ZSCAN4: variants seen among roughly 807,000 people sequenced by gnomAD.
ZSCAN4 encodes the protein zinc finger and SCAN domain containing 4.
A neutral mutation model predicts 18.3 loss-of-function variants in ZSCAN4; 18 were observed. That is an observed-to-expected ratio of 0.98 (90% confidence interval 0.68 to 1.46). ZSCAN4 has a LOEUF of 1.46. Ranked by LOEUF, ZSCAN4 falls within the 40% of genes most tolerant of loss-of-function variation. The probability of loss-of-function intolerance (pLI) is 0.00; values close to 1 mark genes in which losing one functional copy is unlikely to be tolerated. For missense variants in ZSCAN4, 498 were observed against 511.4 expected, an observed-to-expected ratio of 0.97 and a Z score of 0.25; for synonymous variants, 193 against 180.3, an observed-to-expected ratio of 1.07 and a Z score of -0.57.
At chr19:57,676,124 T>A (rs370238427) in exon 3 of ZSCAN4, 29 of 1,578,296 alleles carry the variant, frequency 1.8e-5, no homozygotes, top group Admixed American at 9.3e-5. Context: ...AAGTAAAGTC[T>A]CTCTGAGAAT....
chr19:57,663,520 TAA>T, the ZSCAN4 span, among the ~76,000 whole-genome samples: 11,491 of 66,338 alleles, frequency 0.17, 906 homozygotes, highest in East Asian at 0.28. Flanking sequence ...ACCATGTCTC[TAA>T]AAAAAAAAAA....
chr19:57,664,568 AG>A (rs1258469243), upstream of ZSCAN4: 1 of 153,896 alleles, frequency 6.5e-6, no homozygotes, highest in Non-Finnish European at 1.5e-5. Context: ...GGCGGGAGCT[AG>A]TCACGGGGCA....
chr19:57,660,250 A>G, the ZSCAN4 span, among the ~76,000 whole-genome samples: 3 of 132,710 alleles, frequency 2.3e-5, no homozygotes, highest in Non-Finnish European at 5.4e-5. Context: ...AAGAGTTTAT[A>G]TAGCAGGAAG....
upstream of ZSCAN4, among the ~76,000 whole-genome samples, chr19:57,664,099 A>C (rs1983788502): frequency 6.6e-6 from 1 of 152,092 alleles, no homozygotes; most frequent in South Asian, 2.1e-4. Context: ...CCATTGCAGT[A>C]CAGCCTGGGC....
chr19:57,663,407 G>A, the ZSCAN4 span, among the ~76,000 whole-genome samples: 1 of 150,610 alleles, frequency 6.6e-6, no homozygotes, highest in African/African-American at 2.4e-5. Flanking sequence ...GCTATAGGCT[G>A]GGGGCGAGTG....
chr19:57,672,681 C>A (rs1218027718), intron 2 of ZSCAN4, among the ~76,000 whole-genome samples: 2 of 150,900 alleles, frequency 1.3e-5, no homozygotes, highest in Admixed American at 1.3e-4. Context: ...CAGTTCACTA[C>A]AACCCCCACC....
chr19:57,665,060 C>G (rs1243804800), upstream of ZSCAN4: 1 of 156,898 alleles, frequency 6.4e-6, no homozygotes, highest in Non-Finnish European at 1.4e-5. Flanking sequence ...TCTGGGAGCT[C>G]TCCCCACTAA....
upstream of ZSCAN4, among the ~76,000 whole-genome samples, chr19:57,667,876 GTTT>G (rs199974719): frequency 6.7e-6 from 1 of 148,610 alleles, no homozygotes; most frequent in Non-Finnish European, 1.5e-5. Flanking sequence ...ATTTTTCATT[GTTT>G]TTTTTTTGTT....
the ZSCAN4 span, among the ~76,000 whole-genome samples, chr19:57,655,356 C>T: frequency 6.6e-6 from 1 of 152,172 alleles, no homozygotes; most frequent in Non-Finnish European, 1.5e-5. Context: ...ACTGGGACTA[C>T]CCAACCCCAA....
chr19:57,653,782 A>C, the ZSCAN4 span, among the ~76,000 whole-genome samples: 1 of 152,224 alleles, frequency 6.6e-6, no homozygotes, highest in African/African-American at 2.4e-5. Flanking sequence ...CAACAGGGTC[A>C]TTGGGCAAAA....
In ZSCAN4 at chr19:57,672,862, A is replaced by G. The variant is rs1984063118; in HGVS notation, c.-106+2295A>G. ...AGCGATATGCCCACCTCTGCCTCCCAAAGCACTGGGATTACAGGGGTGAGC... is the reference window on the plus strand; with the variant it reads ...AGCGATATGCCCACCTCTGCCTCCCGAAGCACTGGGATTACAGGGGTGAGC... On this transcript the variant is annotated intron_variant, in intron 2 of 4. Coordinates refer to ENST00000318203, the Ensembl canonical transcript of ZSCAN4. Among the ~76,000 whole-genome samples the G allele has an allele frequency of 2.6e-5, 4 of 152,136 alleles. No homozygotes were observed. The South Asian group carries it at 8.3e-4, about 32-fold the overall frequency.
In ZSCAN4 at chr19:57,674,363, C is replaced by T. The variant is rs375855974; in HGVS notation, c.-105-1678C>T. Among the ~76,000 whole-genome samples, 7 of 152,290 alleles carry T rather than the reference C, an allele frequency of 4.6e-5. No individual in the cohort carries two copies. The East Asian group carries it at 1.2e-3, about 25-fold the overall frequency. ...TGGAGTCCCCAGCATCTGTTATTTC[C>T]ATCCTTATGTCCATGTGTACCCACT... On this transcript the variant is annotated intron_variant, in intron 2 of 4. Coordinates refer to ENST00000318203, the Ensembl canonical transcript of ZSCAN4.
At chr19:57,652,741 G>C in the ZSCAN4 span, among the ~76,000 whole-genome samples, 67 of 152,266 alleles carry the variant, frequency 4.4e-4, 1 homozygote, top group East Asian at 0.013. Context: ...TGTGGGAGAC[G>C]GCAGGGGCTG....
upstream of ZSCAN4, among the ~76,000 whole-genome samples, chr19:57,667,179 T>C (rs1983878100): frequency 6.6e-6 from 1 of 152,234 alleles, no homozygotes; most frequent in African/African-American, 2.4e-5. Context: ...TTATTTTTAT[T>C]GTTTTGTGCC....
the ZSCAN4 span, among the ~76,000 whole-genome samples, chr19:57,662,381 C>T: frequency 6.6e-6 from 1 of 151,726 alleles, no homozygotes; most frequent in Non-Finnish European, 1.5e-5. Flanking sequence ...ATAACTTTCT[C>T]TTTTACATTC....
At chr19:57,667,366 G>A (rs748223312), upstream of ZSCAN4, among the ~76,000 whole-genome samples, 30 of 152,110 alleles carry the variant, frequency 2.0e-4, no homozygotes, top group Non-Finnish European at 4.0e-4. Flanking sequence ...AGCATTCAGA[G>A]TCCCACTCTG....
At chr19:57,651,550 C>T in the ZSCAN4 span, among the ~76,000 whole-genome samples, 2 of 152,194 alleles carry the variant, frequency 1.3e-5, no homozygotes, top group Non-Finnish European at 2.9e-5. Context: ...TGGACTCCAG[C>T]GCTAGCTGGT....
chr19:57,677,975 T>A (rs775174783), exon 4 of ZSCAN4: 1 of 1,600,678 alleles, frequency 6.2e-7, no homozygotes, highest in Admixed American at 1.8e-5. Flanking sequence ...TTAAGAGATG[T>A]CATTGTTCAT....
chr19:57,676,581 G>T, intron 3 of ZSCAN4, 40 bp downstream of exon 3: 2 of 1,551,080 alleles, frequency 1.3e-6, no homozygotes, highest in Non-Finnish European at 8.7e-7. Context: ...AGAGACAAAG[G>T]AAAGTAAGGA....
Sources: gnomAD v4.1 joint callset for allele counts (sites outside exome capture counted in the v4.1 genomes callset) on GRCh38, gnomAD v4.1.1 for gene constraint, MANE v1.5 for transcripts, NCBI Gene and HGNC (gene_info 2026-07-23, HGNC 2026-07-21) for gene names.